Variants in C10orf90 observed in about 807,000 individuals in gnomAD.
The protein encoded by C10orf90 is (E2-independent) E3 ubiquitin-conjugating enzyme FATS.
A neutral mutation model predicts 62.5 loss-of-function variants in C10orf90; 56 were observed. The ratio of observed to expected loss-of-function variants is 0.90; its 90% confidence interval spans 0.72 to 1.12. The LOEUF is 1.12. Among genes scored for constraint, C10orf90 ranks in the 50% most tolerant of loss-of-function variants. C10orf90 has a pLI of 0.00. For missense variants in C10orf90, 970 were observed against 880.4 expected (o/e 1.10, Z -1.29); for synonymous variants, 386 against 340.4 (o/e 1.13, Z -1.47).
intron 7 of C10orf90, among the ~76,000 whole-genome samples, chr10:126,450,394 T>C (rs1340830983): frequency 6.6e-6 from 1 of 152,174 alleles, no homozygotes; most frequent in Admixed American, 6.5e-5. Context: ...GCCCAAGCGA[T>C]TGAGAGCAAA....
chr10:126,609,055 C>CAGG (rs1458586913), intron 2 of C10orf90, among the ~76,000 whole-genome samples: 2 of 152,182 alleles, frequency 1.3e-5, no homozygotes, highest in Non-Finnish European at 2.9e-5. Flanking sequence ...CAAGAGATTT[C>CAGG]ATCCTTTCCT....
rs1554886163 is a variant in C10orf90, at chr10:126,442,481, A to ATATATATATATATATATATATATC, written c.2189-12632_2189-12631insGATATATATATATATATATATATA. On this transcript the variant is annotated intron_variant, in intron 7 of 9. Transcript: ENST00000488181. ...ATAGTAGGGAACTTCAATATTTCAT[A>ATATATATATATATATATATATATC]TATATATATATATATATATATATAT... Among the ~76,000 whole-genome samples, 362 of 59,110 alleles carry ATATATATATATATATATATATATC rather than the reference A, an allele frequency of 6.1e-3. 33 individuals carry two copies. The highest frequency in any genetic ancestry group is 0.02 in the African/African-American group (323 of 16,312). The allele number at this position is 59,110 out of a possible 152,430, so 38.8% of individuals were successfully genotyped here.
chr10:126,643,545 T>A (rs1846106807), intron 2 of C10orf90, among the ~76,000 whole-genome samples: 1 of 152,160 alleles, frequency 6.6e-6, no homozygotes, highest in Non-Finnish European at 1.5e-5. Flanking sequence ...TATCTGACCT[T>A]GCCTCCTGAC....
chr10:126,562,862 G>A (rs1864934670), intron 2 of C10orf90, among the ~76,000 whole-genome samples: 1 of 152,164 alleles, frequency 6.6e-6, no homozygotes, highest in Non-Finnish European at 1.5e-5. Flanking sequence ...GCCAACCTGA[G>A]GCTGCACTCG....
intron 1 of C10orf90, among the ~76,000 whole-genome samples, chr10:126,651,438 T>G (rs2133858840): frequency 6.6e-6 from 1 of 152,312 alleles, no homozygotes; most frequent in South Asian, 2.1e-4. Context: ...CCTCAGATCC[T>G]GCTGGAGTTA....
At chr10:126,642,781 G>A (rs942576647) in intron 2 of C10orf90, among the ~76,000 whole-genome samples, 1 of 152,020 alleles carries the variant, frequency 6.6e-6, no homozygotes, top group Non-Finnish European at 1.5e-5. Context: ...GCTGCTTCGC[G>A]AGCATCTGGA....
intron 2 of C10orf90, among the ~76,000 whole-genome samples, chr10:126,522,484 G>A (rs760971095): frequency 6.6e-6 from 1 of 152,222 alleles, no homozygotes; most frequent in Non-Finnish European, 1.5e-5. Flanking sequence ...TTTGTAAGCA[G>A]TTTCACAAAC....
At chr10:126,650,247 G>A (rs1846264363) in intron 1 of C10orf90, among the ~76,000 whole-genome samples, 1 of 152,160 alleles carries the variant, frequency 6.6e-6, no homozygotes, top group African/African-American at 2.4e-5. Flanking sequence ...GGCCTTTCAA[G>A]ACTGTGTCTC....
At chr10:126,506,277 T>C (rs1269698303) in intron 3 of C10orf90, among the ~76,000 whole-genome samples, 1 of 152,246 alleles carries the variant, frequency 6.6e-6, no homozygotes, top group African/African-American at 2.4e-5. Context: ...GTTTCTATTA[T>C]GGTTATGTGT....
chr10:126,582,432 G>T (rs150628374), intron 2 of C10orf90, among the ~76,000 whole-genome samples: 3 of 152,142 alleles, frequency 2.0e-5, no homozygotes, highest in African/African-American at 4.8e-5. Context: ...TATGAAGCCC[G>T]CATGGAAGTG....
intron 4 of C10orf90, chr10:126,496,755 T>C: frequency 1.0e-6 from 1 of 968,124 alleles, no homozygotes; most frequent in East Asian, 1.1e-4. Context: ...AGGAAACACA[T>C]CAAGCACTTA....
intron 2 of C10orf90, chr10:126,521,223 C>A: frequency 6.5e-7 from 1 of 1,528,116 alleles, no homozygotes; most frequent in South Asian, 1.1e-5. Flanking sequence ...CCAGAAGATA[C>A]TCAGCGTGGA....
chr10:126,595,263 G>A (rs1845061335), intron 2 of C10orf90, among the ~76,000 whole-genome samples: 1 of 152,008 alleles, frequency 6.6e-6, no homozygotes, highest in Non-Finnish European at 1.5e-5. Flanking sequence ...CAGAAAGTGG[G>A]GAAAAGAAAT....
At chr10:126,591,589 C>A (rs1206255281) in intron 2 of C10orf90, among the ~76,000 whole-genome samples, 1 of 152,120 alleles carries the variant, frequency 6.6e-6, no homozygotes, top group Non-Finnish European at 1.5e-5. Flanking sequence ...CAGCCAGTAT[C>A]ATACTGAATG....
At chr10:126,616,259 C>CTA (rs1218130081) in intron 2 of C10orf90, among the ~76,000 whole-genome samples, 20 of 152,332 alleles carry the variant, frequency 1.3e-4, no homozygotes, top group Admixed American at 9.8e-4. Flanking sequence ...CAAGAGTGTA[C>CTA]TACCATCTAT....
At chr10:126,591,405 TA>T (rs1844976600) in intron 2 of C10orf90, among the ~76,000 whole-genome samples, 1 of 152,194 alleles carries the variant, frequency 6.6e-6, no homozygotes, top group Admixed American at 6.5e-5. Flanking sequence ...TGCAAATCAA[TA>T]AATGGAATTC....
At chr10:126,610,693 C>G (rs577489197) in intron 2 of C10orf90, among the ~76,000 whole-genome samples, 1 of 152,326 alleles carries the variant, frequency 6.6e-6, no homozygotes, top group African/African-American at 2.4e-5. Flanking sequence ...CATATTAAAT[C>G]AAATGCTTCA....
intron 2 of C10orf90, among the ~76,000 whole-genome samples, chr10:126,580,628 G>A (rs1207999629): frequency 6.7e-6 from 1 of 148,494 alleles, no homozygotes; most frequent in East Asian, 2.0e-4. Context: ...ACTCCAGCCT[G>A]GGCAACAGAG....
At chr10:126,585,748 A>G (rs1738358176) in intron 2 of C10orf90, among the ~76,000 whole-genome samples, 1 of 152,198 alleles carries the variant, frequency 6.6e-6, no homozygotes, top group African/African-American at 2.4e-5. Context: ...AATTAGGGCC[A>G]GATAACAGCG....
Sources: gnomAD v4.1 joint callset for allele counts (sites outside exome capture counted in the v4.1 genomes callset) on GRCh38, gnomAD v4.1.1 for gene constraint, MANE v1.5 for transcripts, NCBI Gene and HGNC (gene_info 2026-07-23, HGNC 2026-07-21) for gene names.